DNAI7: variants seen among roughly 807,000 people sequenced by gnomAD.
DNAI7 encodes the protein dynein axonemal intermediate chain 7.
Under a neutral mutation model 86.6 loss-of-function variants are expected in DNAI7, and 78 were observed. That is an observed-to-expected ratio of 0.90 (90% CI 0.75 to 1.09). The LOEUF (loss-of-function observed/expected upper bound fraction) is 1.09. DNAI7 is among the 50% of genes least tolerant of loss of function. The pLI is 0.00. For synonymous variants in DNAI7, 274 were observed against 273.0 expected, an observed-to-expected ratio of 1.00 and a Z score of -0.04; for missense variants, 753 against 810.2, an observed-to-expected ratio of 0.93 and a Z score of 0.86.
At chr12:25,169,408 C>T (rs951909726) in intron 2 of DNAI7, among the ~76,000 whole-genome samples, 1 of 152,204 alleles carries the variant, frequency 6.6e-6, no homozygotes, top group African/African-American at 2.4e-5. Flanking sequence ...CCCCATCTCC[C>T]TTCGCTGACT....
At chr12:25,176,248 A>C (rs1321270577) in intron 2 of DNAI7, among the ~76,000 whole-genome samples, 1 of 152,150 alleles carries the variant, frequency 6.6e-6, no homozygotes, top group Non-Finnish European at 1.5e-5. Context: ...TATACTTGAA[A>C]AACTTTTGTT....
At chr12:25,120,853 G>C (rs184901698) in intron 11 of DNAI7, among the ~76,000 whole-genome samples, 5 of 152,350 alleles carry the variant, frequency 3.3e-5, no homozygotes. Flanking sequence ...AGTGTGGTCA[G>C]GGCATCAGCA....
At chr12:25,149,562 A>G (rs193026697) in intron 7 of DNAI7, 66 bp downstream of exon 7, 4 of 1,170,608 alleles carry the variant, frequency 3.4e-6, no homozygotes, top group Non-Finnish European at 2.4e-6. Flanking sequence ...AAAATACTGG[A>G]TTATTTTATA....
Position 25,161,146 on chromosome 12 carries a change from G to A in DNAI7, c.73C>T (p.Gln25Ter). 4.3e-6 allele frequency: 7 copies of A among 1,613,790 alleles called. No individual in the cohort carries two copies. Among genetic ancestry groups the A allele is most frequent in the Non-Finnish European group, 5.9e-6 (7 of 1,179,868 alleles). The change falls in exon 3 of 16, where the codon CAA (glutamine) becomes TAA (stop). Residue 25 changes from glutamine to a stop codon, truncating the protein, a stop_gained. Transcript: ENST00000395987. LOFTEE classifies it high-confidence loss of function. The part of the protein sequence containing the change: ...VTKAERLKLL[Q>*]EEEERRLKEE... ...TTCAGTCGTCTCTCCTCCTCCTCTT[G>A]TAGCAGCTTCAATCGTTCAGCTTTG...
intron 2 of DNAI7, among the ~76,000 whole-genome samples, chr12:25,183,800 G>A (rs1424635934): frequency 6.6e-6 from 1 of 152,002 alleles, no homozygotes; most frequent in Non-Finnish European, 1.5e-5. Context: ...AAGAGTAATA[G>A]ATCCATTTAT....
intron 9 of DNAI7, among the ~76,000 whole-genome samples, chr12:25,136,414 C>A (rs1943560794): frequency 6.6e-6 from 1 of 152,186 alleles, no homozygotes; most frequent in Non-Finnish European, 1.5e-5. Flanking sequence ...AAAAGCAGCC[C>A]TTGAGCCCCA....
At chr12:25,154,487 T>A in intron 5 of DNAI7, 31 bp from the exon 6 acceptor site, 2 of 1,580,278 alleles carry the variant, frequency 1.3e-6, no homozygotes, top group Middle Eastern at 1.7e-4. Flanking sequence ...AAGGTTCACA[T>A]TGATGAAGAT....
intron 2 of DNAI7, among the ~76,000 whole-genome samples, chr12:25,166,577 C>T (rs539747572): frequency 6.6e-6 from 1 of 152,256 alleles, no homozygotes; most frequent in South Asian, 2.1e-4. Context: ...TTACCTATCT[C>T]GGCATAATTC....
rs111940679 is a variant in DNAI7, at chr12:25,183,902, AT to A, written c.21+6711del. Among the ~76,000 whole-genome samples the A allele has an allele frequency of 5.9e-5, 9 of 151,376 alleles. No individual in the cohort carries two copies. In the East Asian group the frequency reaches 7.7e-4, roughly 13 times the overall value. On this transcript the variant is annotated intron_variant, in intron 2 of 15. Transcript: ENST00000395987. The stretch of plus-strand genomic sequence containing the variant: ...TTATTTCTTGGTAACTTTTCAACTG[AT>A]TTTTTTTTATTATTCCACTATGTTC...
intron 9 of DNAI7, among the ~76,000 whole-genome samples, chr12:25,131,965 G>A (rs1336372701): frequency 6.6e-6 from 1 of 152,052 alleles, no homozygotes; most frequent in African/African-American, 2.4e-5. Context: ...GAGCATAGTG[G>A]AGGGACATCT....
At chr12:25,183,517 A>C (rs1163752138) in intron 2 of DNAI7, among the ~76,000 whole-genome samples, 2 of 152,046 alleles carry the variant, frequency 1.3e-5, no homozygotes, top group Admixed American at 6.5e-5. Context: ...TAATACAGCT[A>C]TATAAGCTTT....
chr12:25,123,963 G>T (rs1010132403), intron 9 of DNAI7, among the ~76,000 whole-genome samples: 1 of 151,520 alleles, frequency 6.6e-6, no homozygotes, highest in African/African-American at 2.4e-5. Context: ...GGTCAAATAA[G>T]ATAATGGAAA....
intron 8 of DNAI7, 64 bp downstream of exon 8, chr12:25,146,937 C>A (rs943797261): frequency 1.1e-5 from 9 of 845,754 alleles, no homozygotes; most frequent in Non-Finnish European, 1.8e-5. Context: ...ATCTATCTGG[C>A]AATCATGATG....
intron 4 of DNAI7, 72 bp from the exon 5 acceptor site, chr12:25,155,484 A>G (rs1349021306): frequency 1.4e-6 from 1 of 721,054 alleles, no homozygotes; most frequent in Non-Finnish European, 2.3e-6. Flanking sequence ...AGCATCTAAA[A>G]CTGACGTGGC....
intron 4 of DNAI7, among the ~76,000 whole-genome samples, chr12:25,156,946 T>C (rs1267032398): frequency 6.6e-6 from 1 of 152,036 alleles, no homozygotes; most frequent in Non-Finnish European, 1.5e-5. Flanking sequence ...TGTTTTAAAA[T>C]AACAGAGTAT....
At chr12:25,110,432 G>A (rs548405748) in intron 14 of DNAI7, among the ~76,000 whole-genome samples, 192 bp from the exon 15 acceptor site, 6 of 152,206 alleles carry the variant, frequency 3.9e-5, no homozygotes, top group Non-Finnish European at 7.4e-5. Context: ...GTTAACAAAC[G>A]ACTTGCACGG....
rs370133987 is a variant in DNAI7 at position 25,121,832 on chromosome 12, G to A, written c.1160C>T (p.Thr387Ile). 1.9e-5 allele frequency: 31 copies of A among 1,605,244 alleles called. No homozygotes were observed. The African/African-American group carries it at 3.6e-4, about 19-fold the overall frequency. The change falls in exon 11 of 16, where the codon ACT (threonine) becomes ATT (isoleucine). Residue 387 changes from threonine to isoleucine, a missense_variant. Transcript: ENST00000395987. ...DNVVDLCQFT[T>I]LGGVYHLDIL... ...ATCCAAGTGGTATACTCCACCCAGA[G>A]TTGTGAACTGGCATAAATCCACCAC...
chr12:25,160,772 G>A (rs759104861), intron 3 of DNAI7, among the ~76,000 whole-genome samples: 19 of 152,056 alleles, frequency 1.2e-4, no homozygotes, highest in Admixed American at 1.1e-3. Flanking sequence ...TTTCTTTTGC[G>A]GCACCAAAAC....
intron 10 of DNAI7, among the ~76,000 whole-genome samples, chr12:25,122,207 C>T (rs2140470356): frequency 6.6e-6 from 1 of 152,102 alleles, no homozygotes. Flanking sequence ...GATTCATGCC[C>T]ACTACTTTGC....
Sources: gnomAD v4.1 joint callset for allele counts (sites outside exome capture counted in the v4.1 genomes callset) on GRCh38, gnomAD v4.1.1 for gene constraint, MANE v1.5 for transcripts, NCBI Gene and HGNC (gene_info 2026-07-23, HGNC 2026-07-21) for gene names.